PPP2R3B: variants seen among roughly 807,000 people sequenced by gnomAD.
PPP2R3B encodes the protein serine/threonine-protein phosphatase 2A regulatory subunit B'' subunit beta.
PPP2R3B carries 68 observed loss-of-function variants against 72.9 expected under a neutral mutation model. The observed-to-expected ratio is 0.93, with a 90% CI of 0.77 to 1.14. The LOEUF (loss-of-function observed/expected upper bound fraction) is 1.14. PPP2R3B is among the 50% of genes most tolerant of loss of function. PPP2R3B has a pLI of 0.00. For missense variants in PPP2R3B, 1,018 were observed against 842.0 expected (o/e 1.21, Z -2.59); for synonymous variants, 466 against 375.8 (o/e 1.24, Z -2.78).
chrX:347,413 T>G, intron 3 of PPP2R3B, 77 bp from the exon 4 acceptor site: 1 of 1,408,964 alleles, frequency 7.1e-7, no homozygotes, highest in Non-Finnish European at 1.0e-6. Context: ...GTGGAACACG[T>G]GTGTGGTGTT....
chrX:348,717 A>C (rs747256634), intron 2 of PPP2R3B, among the ~76,000 whole-genome samples: 1 of 152,336 alleles, frequency 6.6e-6, no homozygotes, highest in Admixed American at 6.5e-5. Flanking sequence ...AAGTCAAAAA[A>C]TAAACTACAA....
At chrX:341,607 G>A in intron 8 of PPP2R3B, 2 of 655,560 alleles carry the variant, frequency 3.1e-6, no homozygotes, top group South Asian at 1.8e-5. Context: ...GGTCAGGAGT[G>A]CACCTTCGTT....
chrX:367,436 T>C (rs2071745151), intron 1 of PPP2R3B, among the ~76,000 whole-genome samples: 1 of 151,866 alleles, frequency 6.6e-6, no homozygotes, highest in Non-Finnish European at 1.5e-5. Flanking sequence ...TTCCTTTTTT[T>C]TTTCTTTATA....
intron 2 of PPP2R3B, among the ~76,000 whole-genome samples, chrX:358,796 G>C (rs898966645): frequency 2.0e-5 from 3 of 149,610 alleles, no homozygotes; most frequent in Non-Finnish European, 4.5e-5. Context: ...GCGGAGGGGG[G>C]GTGGCCGCTG....
chrX:339,277 G>GGGGGC (rs1569376465), intron 10 of PPP2R3B, among the ~76,000 whole-genome samples: 1 of 149,628 alleles, frequency 6.7e-6, no homozygotes, highest in African/African-American at 2.5e-5. Flanking sequence ...ATGGCCGGGG[G>GGGGGC]GGGCAGGGCT....
intron 1 of PPP2R3B, among the ~76,000 whole-genome samples, chrX:362,824 G>A (rs771504737): frequency 6.6e-6 from 1 of 151,912 alleles, no homozygotes; most frequent in Non-Finnish European, 1.5e-5. Context: ...AGGTCACAAG[G>A]GTCCCACAGA....
At position 347,674 on chromosome X, in the gene PPP2R3B, T is replaced by C. The variant is rs1262791888; in HGVS notation, c.530A>G (p.Tyr177Cys). The C allele has an allele frequency of 1.4e-5, 21 of 1,547,088 alleles. No individual in the cohort carries two copies. Among genetic ancestry groups the C allele is most frequent in the Non-Finnish European group, 1.8e-5 (21 of 1,148,528 alleles). Residue 177 changes from tyrosine (Y) to cysteine (C), a missense_variant, in exon 3 of 13, where the codon TAC becomes TGC. Tyr to Cys is a radical substitution (Grantham distance 194). Transcript: ENST00000390665. ...GCCATAGAAGAGCGGCCCCTTCCAG[T>C]AGAGGGGGCAGCCGCAGGCCTGGGG... is the stretch of plus-strand genomic sequence containing the variant. ...LVAKACGCPL[Y>C]WKGPLFYGAG...
chrX:341,516 C>A, intron 8 of PPP2R3B, 120 bp from the exon 9 acceptor site: 1 of 991,196 alleles, frequency 1.0e-6, no homozygotes, highest in Non-Finnish European at 1.6e-6. Context: ...CTCCTCCTGC[C>A]CCCCTCCTGC....
chrX:334,559 G>T, intron 12 of PPP2R3B, 42 bp from the exon 13 acceptor site: 2 of 1,451,402 alleles, frequency 1.4e-6, no homozygotes, highest in Non-Finnish European at 1.8e-6. Flanking sequence ...GCAGCGCGGA[G>T]CAGGCCCTGG....
intron 5 of PPP2R3B, 125 bp from the exon 6 acceptor site, chrX:346,385 G>C (rs1347834811): frequency 8.4e-6 from 8 of 946,936 alleles, no homozygotes; most frequent in Non-Finnish European, 1.1e-5. Flanking sequence ...CCAGGGCACA[G>C]GCGGGGGCAG....
At position 338,310 on chromosome X, in the gene PPP2R3B, A is replaced by G. The variant is rs747635656; in HGVS notation, c.1577+294T>C. On this transcript the variant is annotated intron_variant, in intron 12 of 12. Transcript: ENST00000390665. ...TAAGGACAGACGTCGTTGGCGAAAC[A>G]CGACTCGGCCTCCCCGTGCTGGGCC... 5.4e-6 allele frequency: 3 copies of G among 558,628 alleles called. No homozygotes were observed. The African/African-American group carries it at 5.7e-5, about 11-fold the overall frequency. The allele number at this position is 558,628 out of a possible 1,614,324, so 34.6% of individuals were successfully genotyped here.
In PPP2R3B at chrX:338,904, G is replaced by A. The variant is rs2070972546; in HGVS notation, c.1352-8C>T. On this transcript the variant is annotated splice_polypyrimidine_tract_variant and splice_region_variant and intron_variant, in intron 10 of 12. Transcript: ENST00000390665. ...CCTGCAGCGTGATCTTCCCTGCGGGGAGGGGAGTGCGTCCAAGGCGCGTGA... is the reference window on the plus strand; with the variant it reads ...CCTGCAGCGTGATCTTCCCTGCGGGAAGGGGAGTGCGTCCAAGGCGCGTGA... The A allele has an allele frequency of 6.2e-7, 1 of 1,610,202 alleles. No homozygotes were observed. The highest frequency in any genetic ancestry group is 8.5e-7 in the Non-Finnish European group (1 of 1,177,826).
At chrX:345,721 C>T (rs2071189720) in intron 6 of PPP2R3B, 49 bp from the exon 7 acceptor site, 5 of 1,595,484 alleles carry the variant, frequency 3.1e-6, no homozygotes, top group African/African-American at 1.3e-5. Context: ...GCGGGGATGC[C>T]CCAAGTCCGC....
chrX:382,186 CTTT>C (rs1266116447), intron 1 of PPP2R3B, among the ~76,000 whole-genome samples: 1 of 137,930 alleles, frequency 7.3e-6, no homozygotes, highest in African/African-American at 2.7e-5. Flanking sequence ...AACATCTCAT[CTTT>C]TTTTTTCTTT....
At chrX:344,629 G>A (rs1329878308) in intron 7 of PPP2R3B, among the ~76,000 whole-genome samples, 1 of 152,260 alleles carries the variant, frequency 6.6e-6, no homozygotes, top group African/African-American at 2.4e-5. Flanking sequence ...CAGCTGTGCA[G>A]GTGCTGGCCC....
chrX:341,274 C>A (rs768339631), intron 9 of PPP2R3B, 33 bp downstream of exon 9: 3 of 1,607,214 alleles, frequency 1.9e-6, no homozygotes. Flanking sequence ...GGCCCCTCCA[C>A]TGGGACAAAC....
chrX:383,676 A>C (rs1243214074), intron 1 of PPP2R3B, among the ~76,000 whole-genome samples: 5 of 151,698 alleles, frequency 3.3e-5, no homozygotes, highest in Non-Finnish European at 2.9e-5. Context: ...TCTCTACTAA[A>C]AATACAAAAA....
intron 1 of PPP2R3B, among the ~76,000 whole-genome samples, chrX:367,591 G>C (rs982539135): frequency 1.3e-5 from 2 of 152,174 alleles, no homozygotes; most frequent in Admixed American, 6.5e-5. Flanking sequence ...GATAAACAGT[G>C]AGCTAGTAGG....
intron 2 of PPP2R3B, among the ~76,000 whole-genome samples, chrX:353,686 T>C (rs1336343868): frequency 6.6e-6 from 1 of 152,216 alleles, no homozygotes; most frequent in Non-Finnish European, 1.5e-5. Flanking sequence ...GGCCTGGCAA[T>C]GTGGACCCAA....
Sources: gnomAD v4.1 joint callset for allele counts (sites outside exome capture counted in the v4.1 genomes callset) on GRCh38, gnomAD v4.1.1 for gene constraint, MANE v1.5 for transcripts, NCBI Gene and HGNC (gene_info 2026-07-23, HGNC 2026-07-21) for gene names.